Variants in VDAC1 observed in about 807,000 individuals in gnomAD.
VDAC1 encodes voltage dependent anion channel 1.
VDAC1 carries 10 observed loss-of-function variants against 34.7 expected under a neutral mutation model. That is an observed-to-expected ratio of 0.29 (90% CI 0.18 to 0.49). The LOEUF is 0.49. VDAC1 is among the 20% of genes least tolerant of loss of function. The pLI is 0.99. For missense variants in VDAC1, 230 were observed against 347.9 expected, an observed-to-expected ratio of 0.66 and a Z score of 2.69; for synonymous variants, 130 against 136.0, an observed-to-expected ratio of 0.96 and a Z score of 0.30.
At chr5:133,976,049 A>C (rs1752468889) in intron 6 of VDAC1, 28 bp from the exon 7 acceptor site, 3 of 1,613,828 alleles carry the variant, frequency 1.9e-6, no homozygotes, top group African/African-American at 1.3e-5. Flanking sequence ...ACAGATGCTG[A>C]GCTTCCCAGG....
At chr5:134,105,594 G>C in the VDAC1 span, among the ~76,000 whole-genome samples, 2 of 152,252 alleles carry the variant, frequency 1.3e-5, no homozygotes, top group Non-Finnish European at 2.9e-5. Flanking sequence ...ACCTGGCTCT[G>C]CCCAGGGGAC....
chr5:134,092,735 A>T, the VDAC1 span, among the ~76,000 whole-genome samples: 3 of 152,036 alleles, frequency 2.0e-5, no homozygotes, highest in African/African-American at 4.8e-5. Flanking sequence ...CTGATTCTGG[A>T]ACCACTGGTG....
chr5:134,006,380 G>A (rs1476982231), upstream of VDAC1, among the ~76,000 whole-genome samples: 3 of 152,146 alleles, frequency 2.0e-5, no homozygotes, highest in Non-Finnish European at 2.9e-5. Flanking sequence ...GTGCAACCCA[G>A]TTTTGAGGCT....
the VDAC1 span, among the ~76,000 whole-genome samples, chr5:134,023,382 C>T: frequency 6.6e-6 from 1 of 151,212 alleles, no homozygotes; most frequent in African/African-American, 2.4e-5. Context: ...GGGCTTAAAA[C>T]CTGGATGACA....
rs189514140 is a variant in VDAC1 at position 133,998,023 on chromosome 5, C to T, written c.-6-5005G>A. Among the ~76,000 whole-genome samples, 44 of 149,882 alleles carry T rather than the reference C, an allele frequency of 2.9e-4. No homozygotes were observed. The East Asian group carries it at 5.8e-3, about 20-fold the overall frequency. On this transcript the variant is annotated intron_variant, in intron 1 of 8. Coordinates refer to ENST00000265333, the MANE Select transcript of VDAC1 (RefSeq NM_003374.3). ...TGGAGGTTGTGGTGAGCTGAGATCG[C>T]GCCATTGTAATCCAGCCTGGGCAAC...
the VDAC1 span, among the ~76,000 whole-genome samples, chr5:134,034,283 T>C: frequency 2.0e-5 from 3 of 152,202 alleles, no homozygotes; most frequent in African/African-American, 4.8e-5. Context: ...GTGGAGCAGA[T>C]TGTGTCCCCC....
the VDAC1 span, among the ~76,000 whole-genome samples, chr5:134,034,407 C>T: frequency 2.1e-4 from 32 of 152,120 alleles, no homozygotes; most frequent in African/African-American, 7.7e-4. Context: ...GGGTGGGCCC[C>T]TAGCTCCAGT....
chr5:134,102,086 G>A, the VDAC1 span, among the ~76,000 whole-genome samples: 1 of 152,178 alleles, frequency 6.6e-6, no homozygotes, highest in African/African-American at 2.4e-5. Context: ...TTCCTTTTGA[G>A]GGTCCCGGGT....
the VDAC1 span, among the ~76,000 whole-genome samples, chr5:134,106,218 G>A: frequency 1.3e-5 from 2 of 152,170 alleles, no homozygotes; most frequent in African/African-American, 4.8e-5. Context: ...GTCATTCCAA[G>A]CTCATGTGGC....
chr5:134,081,083 G>A, the VDAC1 span, among the ~76,000 whole-genome samples: 3 of 151,638 alleles, frequency 2.0e-5, no homozygotes, highest in Admixed American at 1.3e-4. Context: ...TGTTGCCCAG[G>A]CTGGAGTGCA....
At chr5:134,077,539 G>A in the VDAC1 span, among the ~76,000 whole-genome samples, 1 of 152,186 alleles carries the variant, frequency 6.6e-6, no homozygotes, top group Admixed American at 6.5e-5. Flanking sequence ...ACTGTGACTT[G>A]TACAATTCCC....
At chr5:134,035,072 C>G in the VDAC1 span, among the ~76,000 whole-genome samples, 1 of 151,876 alleles carries the variant, frequency 6.6e-6, no homozygotes, top group South Asian at 2.1e-4. Flanking sequence ...ACATCTAATG[C>G]CCAGATCTCG....
rs3911921 is a variant in VDAC1, at chr5:134,003,888, C to A, written c.-7+1007G>T. On this transcript the variant is annotated intron_variant, in intron 1 of 8. Coordinates refer to ENST00000265333, the MANE Select transcript of VDAC1 (RefSeq NM_003374.3). ...GGGCCTCTAATCCAAAGTCAGGCTCCGAAACAGTTTCCAGAATGCACCGCC... is the reference window on the plus strand; with the variant it reads ...GGGCCTCTAATCCAAAGTCAGGCTCAGAAACAGTTTCCAGAATGCACCGCC... 2.6e-5 allele frequency among the ~76,000 whole-genome samples: 4 copies of A among 152,304 alleles called. No individual in the cohort carries two copies. In the South Asian group the frequency reaches 8.3e-4, roughly 32 times the overall value.
At chr5:134,042,638 C>A in the VDAC1 span, among the ~76,000 whole-genome samples, 1 of 152,196 alleles carries the variant, frequency 6.6e-6, no homozygotes, top group East Asian at 1.9e-4. Flanking sequence ...GAACTACAGG[C>A]ATGCACTACT....
At chr5:134,077,007 G>A in the VDAC1 span, among the ~76,000 whole-genome samples, 37 of 152,228 alleles carry the variant, frequency 2.4e-4, no homozygotes, top group Admixed American at 8.5e-4. Context: ...GTCCAAGCAC[G>A]GTAGCTCACC....
At chr5:134,100,420 A>G in the VDAC1 span, among the ~76,000 whole-genome samples, 1 of 152,194 alleles carries the variant, frequency 6.6e-6, no homozygotes, top group East Asian at 1.9e-4. Context: ...GCTTAGCCCC[A>G]AGATTACAGT....
At chr5:134,031,833 C>T in the VDAC1 span, among the ~76,000 whole-genome samples, 3 of 151,878 alleles carry the variant, frequency 2.0e-5, no homozygotes, top group Admixed American at 2.0e-4. Context: ...TGCCTGTAAT[C>T]CCAGCTACTT....
intron 1 of VDAC1, among the ~76,000 whole-genome samples, chr5:134,002,122 G>A (rs1336150596): frequency 1.3e-5 from 2 of 151,966 alleles, no homozygotes; most frequent in African/African-American, 4.8e-5. Context: ...TTCCATCAAA[G>A]GCGAAGTGGA....
At chr5:134,024,642 A>C in the VDAC1 span, among the ~76,000 whole-genome samples, 2 of 152,036 alleles carry the variant, frequency 1.3e-5, no homozygotes, top group Non-Finnish European at 2.9e-5. Context: ...GACTGCAGCA[A>C]AATAAAAATT....
Sources: allele counts gnomAD v4.1 joint callset (sites outside exome capture counted in the v4.1 genomes callset), GRCh38; gene constraint gnomAD v4.1.1; transcripts MANE v1.5; gene names NCBI Gene and HGNC (gene_info 2026-07-23, HGNC 2026-07-21).